CNTN4: variants seen among roughly 807,000 people sequenced by gnomAD.
The protein encoded by CNTN4 is contactin-4.
In CNTN4, 77 loss-of-function variants were observed where a neutral mutation model predicts 122.5. The ratio of observed to expected loss-of-function variants is 0.63; its 90% CI spans 0.52 to 0.76. The LOEUF is 0.76. Among genes scored for constraint, CNTN4 ranks in the 30% least tolerant of loss-of-function variants. The pLI, the probability that CNTN4 is intolerant of heterozygous loss-of-function variation, is 0.00. For synonymous variants in CNTN4, 512 were observed against 447.0 expected (o/e 1.15, Z -1.83); for missense variants, 1,256 against 1,259.1 (o/e 1.00, Z 0.04).
chr3:2,375,241 G>C (rs2150703304), intron 3 of CNTN4, among the ~76,000 whole-genome samples: 1 of 152,282 alleles, frequency 6.6e-6, no homozygotes, highest in East Asian at 1.9e-4. Flanking sequence ...GCCTTGCGGA[G>C]GGTATCTGTT....
intron 13 of CNTN4, among the ~76,000 whole-genome samples, chr3:2,969,821 C>A (rs1422008966): frequency 1.3e-5 from 2 of 152,076 alleles, no homozygotes; most frequent in Admixed American, 6.5e-5. Flanking sequence ...AGCTAATAAA[C>A]TGGGGCTTAT....
rs2092812829 is a variant in CNTN4, at chr3:2,819,398, A to G, written c.359-88A>G. 3 of 1,050,356 alleles carry G rather than the reference A, an allele frequency of 2.9e-6. No individual in the cohort carries two copies. The East Asian group carries it at 7.2e-5, about 25-fold the overall frequency. The allele number at this position is 1,050,356 out of a possible 1,614,324, so 65.1% of individuals were successfully genotyped here. A position where few individuals can be genotyped will look rare whatever the true frequency, so the allele number is the denominator to read the frequency against. On this transcript the variant is annotated intron_variant, in intron 6 of 24. Coordinates refer to ENST00000418658, the MANE Select transcript of CNTN4 (RefSeq NM_175607.3). Reference sequence around the variant, plus strand: ...GTGCTACCAACGCAGTTTTGAGCAGAATGATTCTCTTTTGAAATAGTGGTA... The same window carrying G: ...GTGCTACCAACGCAGTTTTGAGCAGGATGATTCTCTTTTGAAATAGTGGTA...
At chr3:2,578,812 A>T (rs1214798588) in intron 4 of CNTN4, among the ~76,000 whole-genome samples, 1 of 152,216 alleles carries the variant, frequency 6.6e-6, no homozygotes, top group African/African-American at 2.4e-5. Context: ...CCCATGTGGT[A>T]GAAAGACTTA....
chr3:2,254,048 C>T (rs80021521), intron 2 of CNTN4, among the ~76,000 whole-genome samples: 1 of 149,114 alleles, frequency 6.7e-6, no homozygotes. Context: ...TAGCCCCCCA[C>T]CCCCCTACAG....
intron 4 of CNTN4, among the ~76,000 whole-genome samples, chr3:2,653,189 A>G (rs2083442389): frequency 6.6e-6 from 1 of 152,128 alleles, no homozygotes; most frequent in Non-Finnish European, 1.5e-5. Flanking sequence ...AATCTCCACA[A>G]TTTTTAAAAA....
intron 1 of CNTN4, among the ~76,000 whole-genome samples, chr3:2,100,004 A>AG (rs1264856212): frequency 6.6e-6 from 1 of 152,230 alleles, no homozygotes; most frequent in Non-Finnish European, 1.5e-5. Flanking sequence ...AGCTCCTGCG[A>AG]GGAGGCGGCT....
chr3:2,118,562 C>T lies in CNTN4; in HGVS notation c.-145+17923C>T, dbSNP rs184411884. The stretch of plus-strand genomic sequence containing the variant: ...AGTTATAGTAGATTGGTAATTTGTG[C>T]ATGTAAGTTATATATTATTCATTAA... On this transcript the variant is annotated intron_variant, in intron 2 of 24. Coordinates refer to ENST00000418658, the MANE Select transcript of CNTN4 (RefSeq NM_175607.3). Among the ~76,000 whole-genome samples, 15 of 152,274 alleles carry T rather than the reference C, an allele frequency of 9.9e-5. 1 individual carries two copies. In the East Asian group the frequency reaches 1.9e-3, roughly 20 times the overall value.
At chr3:2,481,055 T>TTCTTTCTTTCTC (rs1213100693) in intron 3 of CNTN4, among the ~76,000 whole-genome samples, 166 of 134,888 alleles carry the variant, frequency 1.2e-3, no homozygotes, top group Non-Finnish European at 1.5e-3. Flanking sequence ...CTTTCTTTCT[T>TTCTTTCTTTCTC]TCTTTCTCTC....
At chr3:2,619,108 T>G (rs2081894378) in intron 4 of CNTN4, among the ~76,000 whole-genome samples, 1 of 152,240 alleles carries the variant, frequency 6.6e-6, no homozygotes, top group African/African-American at 2.4e-5. Flanking sequence ...AAGTGTAAGT[T>G]CTTTAAGGGC....
At chr3:2,297,877 C>T (rs1339055028) in intron 2 of CNTN4, among the ~76,000 whole-genome samples, 1 of 152,130 alleles carries the variant, frequency 6.6e-6, no homozygotes. Context: ...ACCAGAGGCA[C>T]ATGCCACCAC....
intron 2 of CNTN4, among the ~76,000 whole-genome samples, chr3:2,329,078 T>G (rs2043598780): frequency 6.6e-6 from 1 of 152,106 alleles, no homozygotes; most frequent in Non-Finnish European, 1.5e-5. Flanking sequence ...AAATAAAAAT[T>G]TTCACAAATG....
At position 2,352,663 on chromosome 3, in the gene CNTN4, G is replaced by A. The variant is rs975139907; in HGVS notation, c.-89+13430G>A. ...TCAGGACCTGCAGCCCGCCAAGCCC[G>A]AGCTCCCCCACGGTGGGCTCCGGCA... On this transcript the variant is annotated intron_variant, in intron 3 of 24. Transcript: ENST00000418658. 6.6e-5 allele frequency among the ~76,000 whole-genome samples: 10 copies of A among 152,166 alleles called. No homozygotes were observed. The South Asian group carries it at 1.5e-3, about 22-fold the overall frequency.
intron 3 of CNTN4, among the ~76,000 whole-genome samples, chr3:2,364,183 A>C (rs561277014): frequency 6.6e-6 from 1 of 152,170 alleles, no homozygotes. Flanking sequence ...TTTGAACTCT[A>C]CTGCTGAAAC....
chr3:2,563,943 A>G (rs1559240590), intron 3 of CNTN4, among the ~76,000 whole-genome samples: 2 of 152,162 alleles, frequency 1.3e-5, no homozygotes, highest in East Asian at 3.9e-4. Flanking sequence ...AAAGCAGTAT[A>G]CTCTCAAGCT....
At chr3:2,187,623 C>G (rs576650094) in intron 2 of CNTN4, among the ~76,000 whole-genome samples, 9 of 152,260 alleles carry the variant, frequency 5.9e-5, no homozygotes, top group African/African-American at 2.2e-4. Flanking sequence ...CGGGTTCCGT[C>G]TTAGTTGTAG....
chr3:2,991,573 C>T (rs1695052773), intron 14 of CNTN4, among the ~76,000 whole-genome samples: 1 of 152,118 alleles, frequency 6.6e-6, no homozygotes, highest in Admixed American at 6.6e-5. Flanking sequence ...GGTTGGTTCT[C>T]ACTCCCATTA....
intron 12 of CNTN4, among the ~76,000 whole-genome samples, chr3:2,918,825 T>C (rs1425497166): frequency 6.6e-6 from 1 of 152,176 alleles, no homozygotes; most frequent in Admixed American, 6.5e-5. Flanking sequence ...TACACAGGAC[T>C]GGAAGTTCAC....
intron 8 of CNTN4, among the ~76,000 whole-genome samples, chr3:2,874,859 G>A (rs2093825462): frequency 1.3e-5 from 2 of 152,086 alleles, no homozygotes; most frequent in Non-Finnish European, 2.9e-5. Context: ...TTTCCCACAG[G>A]CCAACCTTGC....
chr3:2,342,834 A>G (rs541882016), intron 3 of CNTN4, among the ~76,000 whole-genome samples: 13 of 152,222 alleles, frequency 8.5e-5, no homozygotes, highest in Admixed American at 1.3e-4. Context: ...TAGCAGCATG[A>G]GAATGGACTA....
Sources: allele counts gnomAD v4.1 joint callset (sites outside exome capture counted in the v4.1 genomes callset), GRCh38; gene constraint gnomAD v4.1.1; transcripts MANE v1.5; gene names NCBI Gene and HGNC (gene_info 2026-07-23, HGNC 2026-07-21).